The following OR3A2 variants were observed in gnomAD, a reference collection of about 807,000 sequenced individuals.
OR3A2 encodes olfactory receptor family 3 subfamily A member 2.
For missense variants in OR3A2, 318 were observed against 392.8 expected (o/e 0.81, Z 1.61); for synonymous variants, 126 against 159.3 (o/e 0.79, Z 1.57).
In OR3A2 at chr17:3,371,702, C is replaced by A. The variant is rs562795699; in HGVS notation, c.-179+12102G>T. ...CGGCTGGCCGGGCGGGGGTGCTGAC[C>A]CCCCCACCTCCCTCCCGGACGGGGC... On this transcript the variant is annotated intron_variant, in intron 2 of 4. Transcript: ENST00000573491. 5.0e-5 allele frequency among the ~76,000 whole-genome samples: 7 copies of A among 140,372 alleles called. No homozygotes were observed. The South Asian group carries it at 1.1e-3, about 23-fold the overall frequency. 92.1% of individuals were successfully genotyped at this position (140,372 alleles called of 152,430 possible). A position where few individuals can be genotyped will look rare whatever the true frequency, so the allele number is the denominator to read the frequency against.
intron 2 of OR3A2, among the ~76,000 whole-genome samples, chr17:3,341,448 A>AG: frequency 6.6e-6 from 1 of 151,942 alleles, no homozygotes; most frequent in Admixed American, 6.6e-5. Flanking sequence ...AGCTCTTGTT[A>AG]GGCAGGCCTG....
intron 3 of OR3A2, among the ~76,000 whole-genome samples, chr17:3,308,768 A>G (rs1457537026): frequency 6.6e-6 from 1 of 152,098 alleles, no homozygotes; most frequent in African/African-American, 2.4e-5. Context: ...ACATTTAATC[A>G]TTGGGAAATA....
chr17:3,334,346 G>A (rs922781025), intron 3 of OR3A2, among the ~76,000 whole-genome samples: 2 of 151,898 alleles, frequency 1.3e-5, no homozygotes, highest in African/African-American at 4.8e-5. Flanking sequence ...TTCTACTATC[G>A]TCATGAAAAA....
At chr17:3,292,237 A>G in intron 3 of OR3A2, 1 of 1,614,170 alleles carries the variant, frequency 6.2e-7, no homozygotes, top group Middle Eastern at 1.6e-4. Flanking sequence ...GTCAGCAGGA[A>G]GCAGTCCACT....
At chr17:3,363,767 T>G (rs2049539398) in intron 2 of OR3A2, among the ~76,000 whole-genome samples, 1 of 152,224 alleles carries the variant, frequency 6.6e-6, no homozygotes, top group South Asian at 2.1e-4. Context: ...CTCATAGTTC[T>G]GCAGGCTTAG....
At chr17:3,342,079 G>A (rs230443) in intron 2 of OR3A2, among the ~76,000 whole-genome samples, 61,525 of 151,802 alleles carry the variant, frequency 0.41, 12,801 homozygotes, top group Admixed American at 0.52. Flanking sequence ...TTGTGCATGC[G>A]TCACGTAGTT....
At chr17:3,328,079 T>C (rs1163877302) in intron 3 of OR3A2, among the ~76,000 whole-genome samples, 1 of 146,102 alleles carries the variant, frequency 6.8e-6, no homozygotes, top group Non-Finnish European at 1.5e-5. Flanking sequence ...AGTAGTTTTT[T>C]CCAATTCTGT....
intron 2 of OR3A2, among the ~76,000 whole-genome samples, chr17:3,381,371 G>A (rs1170291225): frequency 1.3e-5 from 2 of 149,730 alleles, no homozygotes; most frequent in Admixed American, 6.7e-5. Flanking sequence ...CTCATTTTGC[G>A]ACCTTAAATA....
intron 2 of OR3A2, among the ~76,000 whole-genome samples, chr17:3,362,219 A>G (rs944200358): frequency 1.2e-4 from 18 of 151,708 alleles, no homozygotes; most frequent in Non-Finnish European, 2.2e-4. Context: ...TGTTTATAGT[A>G]TTCTCTGACA....
At chr17:3,313,342 C>T (rs76144713) in intron 3 of OR3A2, among the ~76,000 whole-genome samples, 1 of 152,268 alleles carries the variant, frequency 6.6e-6, no homozygotes, top group Non-Finnish European at 1.5e-5. Context: ...TCCAGCCATC[C>T]GTTGGGTCCC....
At chr17:3,348,018 T>C (rs1294608112) in intron 2 of OR3A2, among the ~76,000 whole-genome samples, 1 of 152,234 alleles carries the variant, frequency 6.6e-6, no homozygotes, top group African/African-American at 2.4e-5. Flanking sequence ...TTTTTTCATG[T>C]GTTTTTTGGC....
At chr17:3,303,644 C>T (rs2048980482) in intron 3 of OR3A2, among the ~76,000 whole-genome samples, 1 of 151,180 alleles carries the variant, frequency 6.6e-6, no homozygotes, top group African/African-American at 2.4e-5. Flanking sequence ...ACTCAGGAGG[C>T]TGAGGCAGGA....
chr17:3,344,003 A>T (rs912823518), intron 2 of OR3A2, among the ~76,000 whole-genome samples: 2 of 152,160 alleles, frequency 1.3e-5, no homozygotes, highest in Non-Finnish European at 2.9e-5. Context: ...AGTTTTTCTC[A>T]TTCTAATCCA....
exon 2 of OR3A2, chr17:3,277,364 AAAC>A (rs1477600792): frequency 2.6e-4 from 39 of 152,304 alleles, no homozygotes; most frequent in Admixed American, 2.5e-3. Flanking sequence ...GTTTTTAACA[AAAC>A]AACAACAAAA....
At chr17:3,356,553 T>C (rs2049467122) in intron 2 of OR3A2, among the ~76,000 whole-genome samples, 1 of 151,390 alleles carries the variant, frequency 6.6e-6, no homozygotes, top group Non-Finnish European at 1.5e-5. Context: ...GATCAAACCA[T>C]GAAGAAATCC....
intron 3 of OR3A2, among the ~76,000 whole-genome samples, chr17:3,294,582 A>G (rs1317163400): frequency 6.6e-6 from 1 of 152,244 alleles, no homozygotes; most frequent in Non-Finnish European, 1.5e-5. Context: ...AAAAGTGTAC[A>G]CTTTGTCCCA....
At chr17:3,380,124 G>A (rs1010500500) in intron 2 of OR3A2, among the ~76,000 whole-genome samples, 1 of 152,190 alleles carries the variant, frequency 6.6e-6, no homozygotes, top group Non-Finnish European at 1.5e-5. Context: ...GGGCACACCT[G>A]CTGTAACTCC....
chr17:3,372,300 T>C (rs2049636506), intron 2 of OR3A2, among the ~76,000 whole-genome samples: 1 of 139,360 alleles, frequency 7.2e-6, no homozygotes, highest in Non-Finnish European at 1.5e-5. Context: ...ACTTCCTAGA[T>C]GGGATGGCGG....
intron 3 of OR3A2, among the ~76,000 whole-genome samples, chr17:3,301,654 C>G (rs987096518): frequency 2.2e-4 from 34 of 152,274 alleles, no homozygotes; most frequent in African/African-American, 7.7e-4. Context: ...CCTGTTCACT[C>G]TGATGGTAGT....
Sources: gnomAD v4.1 joint callset for allele counts (sites outside exome capture counted in the v4.1 genomes callset) on GRCh38, gnomAD v4.1.1 for gene constraint, MANE v1.5 for transcripts, NCBI Gene and HGNC (gene_info 2026-07-23, HGNC 2026-07-21) for gene names.